The following CHST11 variants were observed in gnomAD, a reference collection of about 807,000 sequenced individuals.
CHST11 encodes the protein carbohydrate sulfotransferase 11.
A neutral mutation model predicts 30.4 loss-of-function variants in CHST11; 9 were observed. That is an observed-to-expected ratio of 0.30 (90% CI 0.18 to 0.52). The LOEUF is 0.52. Ranked by LOEUF, CHST11 falls within the 20% of genes least tolerant of loss-of-function variation. CHST11 has a pLI of 0.97. For synonymous variants in CHST11, 152 were observed against 187.8 expected, an observed-to-expected ratio of 0.81 and a Z score of 1.56; for missense variants, 348 against 460.6, an observed-to-expected ratio of 0.76 and a Z score of 2.24.
intron 2 of CHST11, among the ~76,000 whole-genome samples, chr12:104,700,326 A>G (rs564107639): frequency 6.6e-6 from 1 of 152,300 alleles, no homozygotes; most frequent in African/African-American, 2.4e-5. Context: ...AATCATATGA[A>G]CCCATTCTGA....
intron 2 of CHST11, among the ~76,000 whole-genome samples, chr12:104,706,779 G>A (rs533466762): frequency 5.3e-5 from 8 of 152,136 alleles, no homozygotes; most frequent in Non-Finnish European, 1.0e-4. Context: ...GCTATCTTCT[G>A]TCAGACTAAT....
In CHST11 at chr12:104,597,923, C is replaced by T. The variant is rs115443689; in HGVS notation, c.119-3983C>T. ...ACCATGGGCTGTCTAAGGCAGAATT[C>T]TGTCTCCACCTCTTTCTAGTCATGA... On this transcript the variant is annotated intron_variant, in intron 1 of 2. Transcript: ENST00000303694. Among the ~76,000 whole-genome samples the T allele has an allele frequency of 2.5e-3, 378 of 152,302 alleles. 1 individual carries two copies. The highest frequency in any genetic ancestry group is 8.8e-3 in the African/African-American group (365 of 41,574).
intron 2 of CHST11, among the ~76,000 whole-genome samples, chr12:104,617,447 C>T (rs1429251748): frequency 6.6e-6 from 1 of 152,114 alleles, no homozygotes; most frequent in Non-Finnish European, 1.5e-5. Flanking sequence ...CCTGCATGGC[C>T]CCCAAATACC....
At chr12:104,724,887 T>G (rs984624206) in intron 2 of CHST11, among the ~76,000 whole-genome samples, 3 of 152,176 alleles carry the variant, frequency 2.0e-5, no homozygotes, top group African/African-American at 4.8e-5. Flanking sequence ...AGGGACATAC[T>G]CATACTAAAA....
At chr12:104,554,261 C>A (rs192217083) in intron 1 of CHST11, among the ~76,000 whole-genome samples, 2 of 152,208 alleles carry the variant, frequency 1.3e-5, no homozygotes, top group East Asian at 3.9e-4. Flanking sequence ...GTCTTAGAAT[C>A]TTTCCACCAT....
At chr12:104,651,581 A>C (rs7133941) in intron 2 of CHST11, among the ~76,000 whole-genome samples, 3,960 of 152,272 alleles carry the variant, frequency 0.026, 183 homozygotes, top group African/African-American at 0.089. Context: ...AGTCCTGCTT[A>C]GGATTCTCTG....
At chr12:104,551,797 C>T (rs927685002) in intron 1 of CHST11, among the ~76,000 whole-genome samples, 4 of 151,942 alleles carry the variant, frequency 2.6e-5, no homozygotes, top group African/African-American at 7.3e-5. Context: ...GGAAGGAGAC[C>T]GAGGTTGGGC....
intron 2 of CHST11, among the ~76,000 whole-genome samples, chr12:104,751,769 A>G (rs996362371): frequency 6.6e-6 from 1 of 152,238 alleles, no homozygotes; most frequent in Non-Finnish European, 1.5e-5. Context: ...GGTAGGTGGT[A>G]CTATCCCCAT....
Position 104,461,142 on chromosome 12 carries a change from G to A in CHST11, c.118+3613G>A, listed in dbSNP as rs1049482318. ...TTCCTGCCTTCCTGAACTGTGACAC[G>A]GACCCAGTTTAAACTAATCAGGCGC... On this transcript the variant is annotated intron_variant, in intron 1 of 2. Coordinates refer to ENST00000303694, the MANE Select transcript of CHST11 (RefSeq NM_018413.6). Among the ~76,000 whole-genome samples, 55 of 152,140 alleles carry A rather than the reference G, an allele frequency of 3.6e-4. 2 individuals carry two copies. The highest frequency in any genetic ancestry group is 1.5e-5 in the Non-Finnish European group (1 of 68,026).
intron 2 of CHST11, among the ~76,000 whole-genome samples, chr12:104,680,253 A>G (rs2039781423): frequency 6.6e-6 from 1 of 152,252 alleles, no homozygotes; most frequent in African/African-American, 2.4e-5. Context: ...TGTTGCTCTT[A>G]AGCCACGCTC....
intron 1 of CHST11, among the ~76,000 whole-genome samples, chr12:104,511,696 T>G (rs2037967413): frequency 1.3e-5 from 2 of 152,186 alleles, no homozygotes; most frequent in East Asian, 3.8e-4. Context: ...CACAAGTGAA[T>G]TATCTATCCT....
At chr12:104,550,672 T>A (rs2038396069) in intron 1 of CHST11, among the ~76,000 whole-genome samples, 1 of 152,228 alleles carries the variant, frequency 6.6e-6, no homozygotes, top group South Asian at 2.1e-4. Context: ...CTTGCCCATA[T>A]GGGTCCTAAT....
intron 1 of CHST11, among the ~76,000 whole-genome samples, chr12:104,557,605 G>C (rs546024109): frequency 6.6e-6 from 1 of 152,204 alleles, no homozygotes; most frequent in African/African-American, 2.4e-5. Flanking sequence ...TGGTCAGGTG[G>C]GCAGGCCTTG....
intron 2 of CHST11, among the ~76,000 whole-genome samples, chr12:104,602,673 G>A (rs2038968112): frequency 6.6e-6 from 1 of 152,146 alleles, no homozygotes. Context: ...CTCTGGGGCT[G>A]ATCCTTTTGT....
chr12:104,631,094 T>C (rs1339236762), intron 2 of CHST11, among the ~76,000 whole-genome samples: 1 of 152,138 alleles, frequency 6.6e-6, no homozygotes, highest in Non-Finnish European at 1.5e-5. Context: ...CAGAATCGAT[T>C]TGTTGCTCCG....
At chr12:104,571,393 C>T (rs1249789003) in intron 1 of CHST11, among the ~76,000 whole-genome samples, 2 of 152,116 alleles carry the variant, frequency 1.3e-5, no homozygotes, top group African/African-American at 2.4e-5. Context: ...GATCTCCTGA[C>T]CTCAGGTGAT....
At chr12:104,481,405 G>A (rs867079427) in intron 1 of CHST11, among the ~76,000 whole-genome samples, 1 of 152,060 alleles carries the variant, frequency 6.6e-6, no homozygotes, top group Non-Finnish European at 1.5e-5. Flanking sequence ...AGTTGGGTGC[G>A]CTGGAATAAG....
At chr12:104,714,081 A>T (rs1032028414) in intron 2 of CHST11, among the ~76,000 whole-genome samples, 1 of 152,180 alleles carries the variant, frequency 6.6e-6, no homozygotes, top group African/African-American at 2.4e-5. Flanking sequence ...TTGCAATGTG[A>T]CCATTACATG....
At chr12:104,615,759 C>T (rs1456477729) in intron 2 of CHST11, among the ~76,000 whole-genome samples, 2 of 152,112 alleles carry the variant, frequency 1.3e-5, no homozygotes, top group African/African-American at 4.8e-5. Flanking sequence ...GAAACCCCGT[C>T]TCTGCCAAAA....
Sources: allele counts gnomAD v4.1 joint callset (sites outside exome capture counted in the v4.1 genomes callset), GRCh38; gene constraint gnomAD v4.1.1; transcripts MANE v1.5; gene names NCBI Gene and HGNC (gene_info 2026-07-23, HGNC 2026-07-21).